Variants in NHEJ1 observed in about 807,000 individuals in gnomAD.
NHEJ1 encodes the protein non-homologous end-joining factor 1.
NHEJ1 carries 22 observed loss-of-function variants against 39.4 expected under a neutral mutation model. The ratio of observed to expected loss-of-function variants is 0.56; its 90% CI spans 0.40 to 0.80. The LOEUF (loss-of-function observed/expected upper bound fraction) is 0.80, where lower values mean the gene tolerates loss of function less well. Among genes scored for constraint, NHEJ1 ranks in the 30% least tolerant of loss-of-function variants. NHEJ1 has a pLI of 0.00. For missense variants in NHEJ1, 329 were observed against 357.1 expected, an observed-to-expected ratio of 0.92 and a Z score of 0.63; for synonymous variants, 154 against 135.6, an observed-to-expected ratio of 1.14 and a Z score of -0.94.
intron 3 of NHEJ1, among the ~76,000 whole-genome samples, chr2:219,154,500 G>T (rs558637918): frequency 7.2e-4 from 109 of 152,122 alleles, no homozygotes; most frequent in Middle Eastern, 3.4e-3. Context: ...AAATGAAAAC[G>T]ATCACAAGAA....
intron 5 of NHEJ1, among the ~76,000 whole-genome samples, chr2:219,081,137 A>AC (rs34178711): frequency 6.6e-6 from 1 of 152,056 alleles, no homozygotes; most frequent in African/African-American, 2.4e-5. Context: ...ACCAGATTGG[A>AC]CCCCTTGGGG....
rs980052616 is a variant in NHEJ1, at chr2:219,075,597, C to T, written c.*784G>A. 3 of 152,100 alleles carry T rather than the reference C, an allele frequency of 2.0e-5. No homozygotes were observed. Among genetic ancestry groups the T allele is most frequent in the African/African-American group, 7.2e-5 (3 of 41,392 alleles). 9.4% of individuals were successfully genotyped at this position (152,100 alleles called of 1,614,324 possible). On this transcript the variant is annotated 3_prime_UTR_variant, in exon 8 of 8. Coordinates refer to ENST00000356853, the MANE Select transcript of NHEJ1 (RefSeq NM_024782.3). Reference sequence around the variant, plus strand: ...CCTTGTCTCCACACACAAAAAAATACAAAAATTAGCTAGGTGTGGTGGTGT... The same window carrying T: ...CCTTGTCTCCACACACAAAAAAATATAAAAATTAGCTAGGTGTGGTGGTGT...
Position 219,076,394 on chromosome 2 carries a change from C to T in NHEJ1, c.887G>A (p.Gly296Asp). 1.2e-6 allele frequency: 2 copies of T among 1,614,102 alleles called. No individual in the cohort carries two copies. The highest frequency in any genetic ancestry group is 1.7e-6 in the Non-Finnish European group (2 of 1,180,024). Residue 296 changes from glycine (G) to aspartate (D), a missense_variant, in exon 8 of 8, where the codon GGT becomes GAT. Coordinates refer to ENST00000356853, the MANE Select transcript of NHEJ1 (RefSeq NM_024782.3). ...LSKVKRKKPR[G>D]LFS ...GGCCACAACAGATTAACTGAAGAGA[C>T]CCCTTGGCTTCTTCCTCTTGACCTT...
chr2:219,127,663 T>C (rs961676004), intron 5 of NHEJ1, among the ~76,000 whole-genome samples: 1 of 152,246 alleles, frequency 6.6e-6, no homozygotes, highest in Admixed American at 6.5e-5. Flanking sequence ...GACCAAGATA[T>C]GCTGACCAAA....
chr2:219,160,141 A>G (rs1574753038), intron 1 of NHEJ1, among the ~76,000 whole-genome samples: 1 of 152,090 alleles, frequency 6.6e-6, no homozygotes, highest in East Asian at 1.9e-4. Flanking sequence ...TCTTGAGTGG[A>G]GGGGCGCTGA....
rs1948954009 is a variant in NHEJ1, at chr2:219,071,249, C to T, written c.*5132G>A. Among the ~76,000 whole-genome samples the T allele has an allele frequency of 6.6e-6, 1 of 152,184 alleles. No individual in the cohort carries two copies. Among genetic ancestry groups the T allele is most frequent in the South Asian group, 2.1e-4 (1 of 4,824 alleles). Reference sequence around the variant, plus strand: ...TGAAGTGCCAGTCAAAAGGATCACCCTTCCCCTACTCCATTCTCCCCTCTC... The same window carrying T: ...TGAAGTGCCAGTCAAAAGGATCACCTTTCCCCTACTCCATTCTCCCCTCTC... On this transcript the variant is annotated 3_prime_UTR_variant, in exon 8 of 8. Coordinates refer to ENST00000356853, the MANE Select transcript of NHEJ1 (RefSeq NM_024782.3).
At chr2:219,123,610 C>CA (rs1298497475) in intron 5 of NHEJ1, among the ~76,000 whole-genome samples, 1 of 152,200 alleles carries the variant, frequency 6.6e-6, no homozygotes, top group Non-Finnish European at 1.5e-5. Context: ...TAAGTAACCC[C>CA]ATGCAGTGGC....
intron 6 of NHEJ1, among the ~76,000 whole-genome samples, chr2:219,077,781 A>G (rs1275245830): frequency 2.0e-5 from 3 of 151,936 alleles, no homozygotes; most frequent in Non-Finnish European, 4.4e-5. Context: ...CAGCCAGGGA[A>G]ACTAATCTTT....
intron 5 of NHEJ1, among the ~76,000 whole-genome samples, chr2:219,080,657 ATATATAAGCTTT>A (rs1949057493): frequency 2.8e-5 from 3 of 106,286 alleles, no homozygotes; most frequent in Admixed American, 8.8e-5. Flanking sequence ...ATATGCTAAT[ATATATAAGCTTT>A]TATATATGCT....
At chr2:219,113,124 A>G (rs1045125129) in intron 5 of NHEJ1, among the ~76,000 whole-genome samples, 1 of 152,176 alleles carries the variant, frequency 6.6e-6, no homozygotes, top group Non-Finnish European at 1.5e-5. Context: ...CTAACCAAAC[A>G]TGTGTCACCA....
At position 219,074,729 on chromosome 2, in the gene NHEJ1, C is replaced by CA. The variant is rs1948996389; in HGVS notation, c.*1651dup. The stretch of plus-strand genomic sequence containing the variant: ...TGTACTCCAGCCTAGGCAACAAGAG[C>CA]AAGACTCCATTAAAAAAAAAAAAAA... On this transcript the variant is annotated 3_prime_UTR_variant, in exon 8 of 8. Transcript: ENST00000356853. Among the ~76,000 whole-genome samples the CA allele has an allele frequency of 6.7e-6, 1 of 149,206 alleles. No homozygotes were observed. The highest frequency in any genetic ancestry group is 2.5e-5 in the African/African-American group (1 of 39,964).
At chr2:219,084,461 T>C (rs1949094588) in intron 5 of NHEJ1, among the ~76,000 whole-genome samples, 1 of 152,188 alleles carries the variant, frequency 6.6e-6, no homozygotes, top group South Asian at 2.1e-4. Flanking sequence ...GACACAGAAA[T>C]CTACCCAGTA....
At chr2:219,144,612 T>C (rs928650525) in intron 5 of NHEJ1, among the ~76,000 whole-genome samples, 2 of 151,828 alleles carry the variant, frequency 1.3e-5, no homozygotes, top group African/African-American at 4.8e-5. Context: ...AAAGACAAGA[T>C]GAAACAGCAT....
chr2:219,117,937 T>A (rs899913581), intron 5 of NHEJ1, among the ~76,000 whole-genome samples: 2 of 152,228 alleles, frequency 1.3e-5, no homozygotes, highest in African/African-American at 4.8e-5. Context: ...CATCCTAAAA[T>A]GGGGGTGTGG....
intron 5 of NHEJ1, among the ~76,000 whole-genome samples, chr2:219,104,586 G>T (rs139186500): frequency 1.3e-5 from 2 of 152,036 alleles, no homozygotes; most frequent in African/African-American, 4.8e-5. Flanking sequence ...CATAATAAAC[G>T]AAGAGAACAA....
rs1362293232 is a variant in NHEJ1 at position 219,075,398 on chromosome 2, C to T, written c.*983G>A. On this transcript the variant is annotated 3_prime_UTR_variant, in exon 8 of 8. Coordinates refer to ENST00000356853, the MANE Select transcript of NHEJ1 (RefSeq NM_024782.3). ...GAGACTTGACATCAGGACAGAAACG[C>T]CAGTATATATACAGGATATTTGAAT... 6.6e-6 allele frequency: 1 copy of T among 152,084 alleles called. No individual in the cohort carries two copies. Among genetic ancestry groups the T allele is most frequent in the Non-Finnish European group, 1.5e-5 (1 of 68,012 alleles). The allele number at this position is 152,084 out of a possible 1,614,324, so 9.4% of individuals were successfully genotyped here.
At chr2:219,134,895 G>T in intron 5 of NHEJ1, among the ~76,000 whole-genome samples, 1 of 151,696 alleles carries the variant, frequency 6.6e-6, no homozygotes, top group Non-Finnish European at 1.5e-5. Flanking sequence ...AAAATTAGCC[G>T]GGTGTGGTGT....
chr2:219,144,613 G>GAAACAGC (rs1949719156), intron 5 of NHEJ1, among the ~76,000 whole-genome samples: 1 of 152,036 alleles, frequency 6.6e-6, no homozygotes. Flanking sequence ...AAGACAAGAT[G>GAAACAGC]AAACAGCATT....
At chr2:219,145,157 G>A (rs557216042) in intron 5 of NHEJ1, among the ~76,000 whole-genome samples, 64 of 152,220 alleles carry the variant, frequency 4.2e-4, no homozygotes, top group Non-Finnish European at 8.5e-4. Context: ...GGATGTTGCA[G>A]TGAGCCAAGA....
Sources: gnomAD v4.1 joint callset for allele counts (sites outside exome capture counted in the v4.1 genomes callset) on GRCh38, gnomAD v4.1.1 for gene constraint, MANE v1.5 for transcripts, NCBI Gene and HGNC (gene_info 2026-07-23, HGNC 2026-07-21) for gene names.